The following INSR variants were observed in gnomAD, a reference collection of about 807,000 sequenced individuals.
INSR encodes insulin receptor.
INSR carries 67 observed loss-of-function variants against 142.6 expected under a neutral mutation model. That is an observed-to-expected ratio of 0.47 (90% CI 0.39 to 0.58). The LOEUF is 0.58. Ranked by LOEUF, INSR falls within the 20% of genes least tolerant of loss-of-function variation. INSR has a pLI of 0.00. For missense variants in INSR, 1,248 were observed against 1,833.2 expected (o/e 0.68, Z 5.83); for synonymous variants, 756 against 743.1 (o/e 1.02, Z -0.28).
At chr19:7,154,300 CTTTT>C (rs762914829) in intron 9 of INSR, among the ~76,000 whole-genome samples, 1 of 107,292 alleles carries the variant, frequency 9.3e-6, no homozygotes, top group Admixed American at 1.1e-4. Context: ...ACCACAATTA[CTTTT>C]TTTTTTTTTT....
At position 7,125,609 on chromosome 19, in the gene INSR, AC is replaced by A. The variant is rs1599874595; in HGVS notation, c.3014-83del. On this transcript the variant is annotated intron_variant, in intron 16 of 21. Transcript: ENST00000302850. The surrounding 1 kb of genome is among the most constrained non-coding windows in gnomAD (Gnocchi z 4.9). ...ACCTTCCACCCAAGCCCTCACCCAA[AC>A]CCCCTCGAAAACACTCATGAAATGA... The A allele has an allele frequency of 1.9e-6, 3 of 1,575,210 alleles. No individual in the cohort carries two copies. The South Asian group carries it at 3.3e-5, about 18-fold the overall frequency.
At chr19:7,152,980 T>G (rs1021473971) in intron 9 of INSR, 53 bp from the exon 10 acceptor site, 1 of 1,005,144 alleles carries the variant, frequency 9.9e-7, no homozygotes, top group Non-Finnish European at 1.4e-6. Flanking sequence ...TGAACACACA[T>G]ACACACACAC....
intron 19 of INSR, 107 bp downstream of exon 19, chr19:7,122,507 C>A: frequency 8.3e-7 from 1 of 1,198,212 alleles, no homozygotes. Flanking sequence ...AGTATCTTGC[C>A]CCTTTATATT....
chr19:7,226,742 A>AAAAAAC (rs1975800744), intron 2 of INSR, among the ~76,000 whole-genome samples: 1 of 151,426 alleles, frequency 6.6e-6, no homozygotes, highest in Non-Finnish European at 1.5e-5. Context: ...AAAAAAAAAA[A>AAAAAAC]AATGCCTGAA....
At chr19:7,161,219 TTG>T (rs1973740486) in intron 9 of INSR, among the ~76,000 whole-genome samples, 1 of 150,362 alleles carries the variant, frequency 6.7e-6, no homozygotes. Flanking sequence ...TTGCACAACA[TTG>T]TGAATGCACT....
chr19:7,133,441 A>G (rs893289452), intron 13 of INSR, among the ~76,000 whole-genome samples: 2 of 152,176 alleles, frequency 1.3e-5, no homozygotes, highest in African/African-American at 2.4e-5. Flanking sequence ...CCATTTTGCA[A>G]TATGTGTTAT....
intron 6 of INSR, 42 bp downstream of exon 6, chr19:7,170,495 A>C: frequency 6.7e-6 from 10 of 1,486,480 alleles, no homozygotes; most frequent in Middle Eastern, 2.3e-4. Context: ...CTTCCACTAC[A>C]CCGGTCCCTC....
Position 7,152,820 on chromosome 19 carries a change from G to A in INSR, c.2137C>T (p.Pro713Ser). Reference sequence around the variant, plus strand: ...TTCAGGATCTGAGAGTCTGTCTTTGGACAGGAGCAGCATTCGCCGGCCGAA... The same window carrying A: ...TTCAGGATCTGAGAGTCTGTCTTTGAACAGGAGCAGCATTCGCCGGCCGAA... ...EDSAGECCSC[P>S]KTDSQILKEL... The change falls in exon 10 of 22, where the codon CCA (proline) becomes TCA (serine). Residue 713 changes from proline to serine, a missense_variant. By Grantham distance (74) the Pro-to-Ser change is moderately conservative. Coordinates refer to ENST00000302850, the MANE Select transcript of INSR (RefSeq NM_000208.4). 6.2e-7 allele frequency: 1 copy of A among 1,613,502 alleles called. No individual in the cohort carries two copies. Among genetic ancestry groups the A allele is most frequent in the Non-Finnish European group, 8.5e-7 (1 of 1,179,920 alleles).
In INSR at chr19:7,146,236, C is replaced by CCTTTTT. The variant is rs1424523294; in HGVS notation, c.2268-3147_2268-3146insAAAAAG. ...TTCAGTGCAGTATCTTTGTCAAGTT[C>CCTTTTT]TTTTTTTTTTTTTTTTTTTTTTGAG... On this transcript the variant is annotated intron_variant, in intron 11 of 21. Coordinates refer to ENST00000302850, the MANE Select transcript of INSR (RefSeq NM_000208.4). Among the ~76,000 whole-genome samples the CCTTTTT allele has an allele frequency of 2.3e-4, 25 of 110,726 alleles. 11 individuals are homozygous for CCTTTTT. Among genetic ancestry groups the CCTTTTT allele is most frequent in the South Asian group, 3.0e-4 (1 of 3,366 alleles). 72.6% of individuals were successfully genotyped at this position (110,726 alleles called of 152,430 possible). A position where few individuals can be genotyped will look rare whatever the true frequency, so the allele number is the denominator to read the frequency against.
intron 9 of INSR, among the ~76,000 whole-genome samples, chr19:7,158,404 C>A (rs571744429): frequency 1.3e-5 from 2 of 151,990 alleles, no homozygotes; most frequent in Non-Finnish European, 1.5e-5. Context: ...GGGAGGCTGA[C>A]GCAGGAGAAT....
intron 1 of INSR, among the ~76,000 whole-genome samples, chr19:7,272,148 CA>C (rs961024857): frequency 6.6e-6 from 1 of 151,758 alleles, no homozygotes; most frequent in African/African-American, 2.4e-5. Flanking sequence ...ACTAAACATA[CA>C]AAAAAAATTA....
At chr19:7,201,885 T>A (rs1173424725) in intron 2 of INSR, among the ~76,000 whole-genome samples, 1 of 151,962 alleles carries the variant, frequency 6.6e-6, no homozygotes, top group Non-Finnish European at 1.5e-5. Flanking sequence ...ATGGTTTCGA[T>A]CTCCTGACCT....
intron 2 of INSR, among the ~76,000 whole-genome samples, chr19:7,195,293 A>G (rs1974713910): frequency 6.6e-6 from 1 of 151,612 alleles, no homozygotes; most frequent in African/African-American, 2.4e-5. Context: ...CTTTCCATAT[A>G]TTACTAACCC....
chr19:7,120,473 C>T (rs534261426), intron 20 of INSR, 147 bp downstream of exon 20: 38 of 862,300 alleles, frequency 4.4e-5, no homozygotes, highest in Middle Eastern at 3.4e-4. Context: ...TAAGAGTAGC[C>T]GTGGGAAGAT....
intron 6 of INSR, among the ~76,000 whole-genome samples, chr19:7,169,167 C>T (rs1973955226): frequency 6.6e-6 from 1 of 152,188 alleles, no homozygotes; most frequent in African/African-American, 2.4e-5. Flanking sequence ...TGATCTCTTT[C>T]TGGGTTTGGC....
At position 7,174,715 on chromosome 19, in the gene INSR, A is replaced by T; in HGVS notation, c.991T>A (p.Cys331Ser). ...MNSSNLLCTP[C>S]LGPCPKVCHL... Reference sequence around the variant, plus strand: ...CACACCTTGGGACAGGGACCCAGGCATGGGGTGCACAGCAAGCTAAGGACG... The same window carrying T: ...CACACCTTGGGACAGGGACCCAGGCTTGGGGTGCACAGCAAGCTAAGGACG... The change falls in exon 4 of 22, where the codon TGC becomes AGC. Residue 331 changes from cysteine (C) to serine (S), a missense_variant. By Grantham distance (112) the Cys-to-Ser change is moderately radical (BLOSUM62 -1). Transcript: ENST00000302850. 6.4e-7 allele frequency: 1 copy of T among 1,560,396 alleles called. No individual in the cohort carries two copies. The highest frequency in any genetic ancestry group is 8.7e-7 in the Non-Finnish European group (1 of 1,149,168).
intron 1 of INSR, among the ~76,000 whole-genome samples, chr19:7,271,032 A>G (rs1464015131): frequency 1.3e-5 from 2 of 152,070 alleles, no homozygotes; most frequent in Non-Finnish European, 2.9e-5. Context: ...ACTGCACTCC[A>G]GCCTGGGCGA....
intron 2 of INSR, among the ~76,000 whole-genome samples, chr19:7,235,971 CT>C (rs34478636): frequency 0.19 from 24,794 of 129,756 alleles, 2,776 homozygotes; most frequent in Middle Eastern, 0.29. Context: ...CTGGCCTTTC[CT>C]TTTTTTTTTT....
At chr19:7,198,240 G>A (rs1000836721) in intron 2 of INSR, among the ~76,000 whole-genome samples, 8 of 151,354 alleles carry the variant, frequency 5.3e-5, no homozygotes, top group African/African-American at 1.9e-4. Context: ...CAATGGGCGG[G>A]CGTGCTGCAG....
Sources: gnomAD v4.1 joint callset for allele counts (sites outside exome capture counted in the v4.1 genomes callset) on GRCh38, gnomAD v4.1.1 for gene constraint, Gnocchi (gnomAD v3.1) non-coding constraint, MANE v1.5 for transcripts, NCBI Gene and HGNC (gene_info 2026-07-23, HGNC 2026-07-21) for gene names.